Variants in CUX2 observed in about 807,000 individuals in gnomAD.
CUX2 encodes cut like homeobox 2, also known as homeobox protein cut-like 2.
CUX2 carries 40 observed loss-of-function variants against 144.8 expected under a neutral mutation model. That is an observed-to-expected ratio of 0.28 (90% CI 0.21 to 0.36). The LOEUF is 0.36. Among genes scored for constraint, CUX2 ranks in the 10% least tolerant of loss-of-function variants. The probability of loss-of-function intolerance (pLI) is 1.00; values close to 1 mark genes in which losing one functional copy is unlikely to be tolerated. For synonymous variants in CUX2, 827 were observed against 875.6 expected (o/e 0.94, Z 0.98); for missense variants, 1,615 against 1,994.0 (o/e 0.81, Z 3.62).
chr12:111,224,312 T>C (rs1416989130), intron 3 of CUX2, among the ~76,000 whole-genome samples: 1 of 151,950 alleles, frequency 6.6e-6, no homozygotes, highest in Non-Finnish European at 1.5e-5. Flanking sequence ...TTCCTGTGCT[T>C]GCAGCCAGGC....
chr12:111,069,318 A>G (rs374571133), intron 1 of CUX2, among the ~76,000 whole-genome samples: 5 of 152,046 alleles, frequency 3.3e-5, no homozygotes, highest in South Asian at 2.1e-4. Flanking sequence ...ATGTGCTGCC[A>G]TATTAAAGTT....
At chr12:111,177,458 T>C (rs973805921) in intron 1 of CUX2, among the ~76,000 whole-genome samples, 2 of 152,182 alleles carry the variant, frequency 1.3e-5, no homozygotes, top group African/African-American at 4.8e-5. Context: ...TGGTGTGATC[T>C]TGGCTCACTG....
At chr12:111,327,860 C>G (rs146833650) in intron 18 of CUX2, among the ~76,000 whole-genome samples, 1 of 152,092 alleles carries the variant, frequency 6.6e-6, no homozygotes, top group African/African-American at 2.4e-5. Flanking sequence ...AGTTTGAGAC[C>G]AGCCTGACCA....
chr12:111,259,661 C>T (rs547360017), intron 3 of CUX2, among the ~76,000 whole-genome samples: 19 of 151,722 alleles, frequency 1.3e-4, no homozygotes, highest in African/African-American at 4.1e-4. Context: ...ATCAGGAGTT[C>T]AAGACCAGCT....
intron 1 of CUX2, among the ~76,000 whole-genome samples, chr12:111,211,917 A>G (rs1881255888): frequency 6.6e-6 from 1 of 152,150 alleles, no homozygotes; most frequent in Non-Finnish European, 1.5e-5. Context: ...CAGACACACA[A>G]TAATCCAAGA....
chr12:111,296,256 C>G (rs1885984383), intron 7 of CUX2, among the ~76,000 whole-genome samples: 1 of 152,130 alleles, frequency 6.6e-6, no homozygotes, highest in Admixed American at 6.5e-5. Context: ...ACTGCCCACC[C>G]CAGCCACTGC....
intron 4 of CUX2, among the ~76,000 whole-genome samples, chr12:111,290,325 A>C (rs909217292): frequency 1.3e-5 from 2 of 152,124 alleles, no homozygotes; most frequent in Admixed American, 1.3e-4. Flanking sequence ...ACAGTGATGC[A>C]ATCTCCACTC....
At chr12:111,086,913 T>A (rs1185934077) in intron 1 of CUX2, among the ~76,000 whole-genome samples, 2 of 152,094 alleles carry the variant, frequency 1.3e-5, no homozygotes, top group Non-Finnish European at 2.9e-5. Flanking sequence ...AAAAAAGTGA[T>A]GATATGTGTA....
chr12:111,334,186 T>TAAA, intron 18 of CUX2, among the ~76,000 whole-genome samples: 1 of 143,438 alleles, frequency 7.0e-6, no homozygotes, highest in East Asian at 2.1e-4. Flanking sequence ...GACTCCGTCT[T>TAAA]AAAAAAAAAA....
intron 1 of CUX2, among the ~76,000 whole-genome samples, chr12:111,111,386 A>T (rs753233812): frequency 6.6e-6 from 1 of 151,944 alleles, no homozygotes; most frequent in African/African-American, 2.4e-5. Context: ...AGCGCTAATG[A>T]TCTACTGGGA....
chr12:111,099,126 G>T (rs1193833764), intron 1 of CUX2, among the ~76,000 whole-genome samples: 1 of 152,214 alleles, frequency 6.6e-6, no homozygotes, highest in Admixed American at 6.5e-5. Flanking sequence ...TTCAATACAG[G>T]ATCCCAAATG....
At chr12:111,132,653 G>A (rs1433636689) in intron 1 of CUX2, among the ~76,000 whole-genome samples, 1 of 132,260 alleles carries the variant, frequency 7.6e-6, no homozygotes, top group Non-Finnish European at 1.5e-5. Flanking sequence ...CGCAACCTCT[G>A]CCTCCCAGAT....
At chr12:111,311,850 G>C (rs1279847245) in intron 15 of CUX2, among the ~76,000 whole-genome samples, 1 of 151,964 alleles carries the variant, frequency 6.6e-6, no homozygotes, top group Admixed American at 6.6e-5. Context: ...CTCCCACCTC[G>C]GACTCCCAGA....
At chr12:111,225,748 A>G (rs949018901) in intron 3 of CUX2, among the ~76,000 whole-genome samples, 1 of 152,186 alleles carries the variant, frequency 6.6e-6, no homozygotes, top group Non-Finnish European at 1.5e-5. Context: ...TGCCTTTTAG[A>G]TGTTTCTTTG....
In CUX2 at chr12:111,038,644, C is replaced by G. The variant is rs962152895; in HGVS notation, c.63+4404C>G. 6.1e-4 allele frequency among the ~76,000 whole-genome samples: 93 copies of G among 152,268 alleles called. 1 individual carries two copies. Among genetic ancestry groups the G allele is most frequent in the African/African-American group, 2.2e-3 (92 of 41,476 alleles). On this transcript the variant is annotated intron_variant, in intron 1 of 21. Coordinates refer to ENST00000261726, the MANE Select transcript of CUX2 (RefSeq NM_015267.4). ...AGAATTTATTTAAAGAACCCAGCAG[C>G]CTTTTCTGGGTCTCCCAAAATTGTA...
Position 111,255,701 on chromosome 12 carries a change from G to A in CUX2, c.223-8060G>A, listed in dbSNP as rs756998983. On this transcript the variant is annotated intron_variant, in intron 3 of 21. Coordinates refer to ENST00000261726, the MANE Select transcript of CUX2 (RefSeq NM_015267.4). The surrounding 1 kb of genome is among the most constrained non-coding windows in gnomAD (Gnocchi z 4.1). ...TAAATGGGATAGTCACACCCGCAGC[G>A]TGATGAGGGTTAAGCTAATGTGCAT... Among the ~76,000 whole-genome samples the A allele has an allele frequency of 1.7e-4, 26 of 152,206 alleles. No homozygotes were observed. Among genetic ancestry groups the A allele is most frequent in the Non-Finnish European group, 2.6e-4 (18 of 68,034 alleles).
chr12:111,095,051 C>A (rs554425438), intron 1 of CUX2, among the ~76,000 whole-genome samples: 34 of 152,302 alleles, frequency 2.2e-4, no homozygotes, highest in African/African-American at 8.2e-4. Context: ...CAGCCGCAAG[C>A]ACCCAGGGAC....
At chr12:111,237,109 A>T (rs1403339241) in intron 3 of CUX2, among the ~76,000 whole-genome samples, 1 of 152,176 alleles carries the variant, frequency 6.6e-6, no homozygotes, top group Non-Finnish European at 1.5e-5. Flanking sequence ...AAATTACACC[A>T]TTGCACTCCA....
intron 4 of CUX2, among the ~76,000 whole-genome samples, chr12:111,274,651 A>C (rs898183335): frequency 7.2e-5 from 11 of 152,164 alleles, no homozygotes; most frequent in Non-Finnish European, 1.3e-4. Context: ...TTGGCACCCC[A>C]TCTGCTATTG....
Sources: allele counts gnomAD v4.1 joint callset (sites outside exome capture counted in the v4.1 genomes callset), GRCh38; gene constraint gnomAD v4.1.1; non-coding constraint Gnocchi (gnomAD v3.1); transcripts MANE v1.5; gene names NCBI Gene and HGNC (gene_info 2026-07-23, HGNC 2026-07-21).